Variants in MAP4K5 observed in about 807,000 individuals in gnomAD.
MAP4K5 encodes mitogen-activated protein kinase kinase kinase kinase 5.
Under a neutral mutation model 135.6 loss-of-function variants are expected in MAP4K5, and 82 were observed. The observed-to-expected ratio is 0.60, with a 90% CI of 0.51 to 0.73. The LOEUF (loss-of-function observed/expected upper bound fraction) is 0.73, where lower values mean the gene tolerates loss of function less well. Among genes scored for constraint, MAP4K5 ranks in the 30% least tolerant of loss-of-function variants. The pLI, the probability that MAP4K5 is intolerant of heterozygous loss-of-function variation, is 0.00. For synonymous variants in MAP4K5, 347 were observed against 335.0 expected (o/e 1.04, Z -0.39); for missense variants, 907 against 1,010.9 (o/e 0.90, Z 1.39).
rs374566526 is a variant in MAP4K5 at position 50,560,247 on chromosome 14, C to T, written c.-180+793G>A. 3.1e-6 allele frequency: 5 copies of T among 1,613,684 alleles called. No individual in the cohort carries two copies. The African/African-American group carries it at 5.3e-5, about 17-fold the overall frequency. The stretch of plus-strand genomic sequence containing the variant: ...GAGCGCAGTGACAGCGCCTCACCGC[C>T]ACCAGCTCCTGGACCACCATGGCCA... On this transcript the variant is annotated intron_variant, in intron 1 of 8. Coordinates refer to the MAP4K5 transcript ENST00000555216.
At chr14:50,431,386 A>G (rs936531938) in intron 28 of MAP4K5, among the ~76,000 whole-genome samples, 7 of 152,114 alleles carry the variant, frequency 4.6e-5, no homozygotes, top group East Asian at 1.9e-4. Flanking sequence ...ATATCTCCCA[A>G]TGCTATCCCT....
intron 3 of MAP4K5, among the ~76,000 whole-genome samples, chr14:50,496,368 G>GA (rs1226773282): frequency 2.0e-5 from 3 of 151,956 alleles, no homozygotes; most frequent in Non-Finnish European, 4.4e-5. Context: ...AAATGGTTAA[G>GA]ATGGTAAAGT....
chr14:50,483,049 A>G (rs2037284801), intron 5 of MAP4K5: 1 of 152,230 alleles, frequency 6.6e-6, no homozygotes. Context: ...GCAATCCTGA[A>G]CAATTTTTCA....
chr14:50,508,359 C>G (rs186037678), intron 2 of MAP4K5, among the ~76,000 whole-genome samples: 1 of 152,122 alleles, frequency 6.6e-6, no homozygotes. Context: ...AAATGTGGCA[C>G]TTACACACAA....
Position 50,485,646 on chromosome 14 carries a change from A to G in MAP4K5, c.258-4T>C, listed in dbSNP as rs1366107216. On this transcript the variant is annotated splice_region_variant and splice_polypyrimidine_tract_variant and intron_variant, in intron 4 of 32. Transcript: ENST00000682126. ...ACAAATCCATAGTTTTTCCCGACTA[A>G]TACAAAAAAAAAAGAAAATTATATT... is the stretch of plus-strand genomic sequence containing the variant. 2 of 1,527,386 alleles carry G rather than the reference A, an allele frequency of 1.3e-6. No homozygotes were observed. The highest frequency in any genetic ancestry group is 4.0e-5 in the Admixed American group (2 of 50,402). 94.6% of individuals were successfully genotyped at this position (1,527,386 alleles called of 1,614,324 possible).
chr14:50,556,033 G>A (rs1321167066), intron 1 of MAP4K5, among the ~76,000 whole-genome samples: 1 of 152,140 alleles, frequency 6.6e-6, no homozygotes, highest in Non-Finnish European at 1.5e-5. Flanking sequence ...ATAGTTTGTG[G>A]AGTAACATCC....
At chr14:50,459,699 C>CTT (rs58066955) in intron 13 of MAP4K5, among the ~76,000 whole-genome samples, 29,496 of 143,990 alleles carry the variant, frequency 0.2, 3,677 homozygotes, top group Middle Eastern at 0.31. Context: ...CTTTCTTTCT[C>CTT]TTTTTTTTTT....
At position 50,527,168 on chromosome 14, in the gene MAP4K5, G is replaced by A. The variant is rs564691560; in HGVS notation, c.108+4774C>T. Among the ~76,000 whole-genome samples, 11 of 152,012 alleles carry A rather than the reference G, an allele frequency of 7.2e-5. No individual in the cohort carries two copies. In the South Asian group the frequency reaches 1.9e-3, roughly 26 times the overall value. ...ATCCTAGTCAACCTGGTGAAACCCC[G>A]TCTCTACTAGAAATACAAAAATTAG... On this transcript the variant is annotated intron_variant, in intron 2 of 32. Coordinates refer to ENST00000682126, the MANE Select transcript of MAP4K5 (RefSeq NM_006575.6).
chr14:50,536,164 G>A (rs1275609883), upstream of MAP4K5, among the ~76,000 whole-genome samples: 1 of 152,218 alleles, frequency 6.6e-6, no homozygotes, highest in Admixed American at 6.5e-5. Flanking sequence ...TTAAATTGAG[G>A]TCTGGCGCCA....
At chr14:50,480,998 TG>T (rs2037229079) in intron 6 of MAP4K5, among the ~76,000 whole-genome samples, 1 of 152,056 alleles carries the variant, frequency 6.6e-6, no homozygotes, top group African/African-American at 2.4e-5. Flanking sequence ...GATTGTATTT[TG>T]GGAACTAGAA....
chr14:50,475,798 T>C (rs544334154), intron 8 of MAP4K5, among the ~76,000 whole-genome samples: 84 of 152,352 alleles, frequency 5.5e-4, no homozygotes, highest in Non-Finnish European at 8.7e-4. Context: ...CACCAGATGT[T>C]ACTCTTACAC....
intron 3 of MAP4K5, among the ~76,000 whole-genome samples, chr14:50,490,513 A>G (rs2037461140): frequency 1.3e-5 from 2 of 152,216 alleles, no homozygotes; most frequent in Non-Finnish European, 2.9e-5. Context: ...CCTCCAACAT[A>G]GTGTTTCAAG....
chr14:50,560,443 G>T (rs948411237), intron 1 of MAP4K5: 2 of 1,140,248 alleles, frequency 1.8e-6, no homozygotes, highest in Non-Finnish European at 2.5e-6. Flanking sequence ...GCCGCTCCCT[G>T]TTTGGGCGGA....
chr14:50,445,317 AAAGT>A (rs2036321131), intron 17 of MAP4K5, 123 bp from the exon 18 acceptor site: 1 of 748,474 alleles, frequency 1.3e-6, no homozygotes, highest in Non-Finnish European at 2.0e-6. Flanking sequence ...CTAAGTGAGC[AAAGT>A]AAGAGGTGAG....
intron 2 of MAP4K5, among the ~76,000 whole-genome samples, chr14:50,505,704 C>T (rs555925589): frequency 1.7e-4 from 26 of 152,212 alleles, no homozygotes; most frequent in Non-Finnish European, 3.1e-4. Flanking sequence ...AAACACTGTG[C>T]GAATTTTTAC....
intron 3 of MAP4K5, among the ~76,000 whole-genome samples, chr14:50,503,721 T>C (rs2037753423): frequency 6.6e-6 from 1 of 152,108 alleles, no homozygotes; most frequent in Non-Finnish European, 1.5e-5. Context: ...AACCGTGTTG[T>C]AACAAGCCCA....
At chr14:50,530,006 G>A (rs1364310503) in intron 2 of MAP4K5, among the ~76,000 whole-genome samples, 6 of 152,188 alleles carry the variant, frequency 3.9e-5, no homozygotes. Context: ...GTGATTCCAA[G>A]TAATTAGAAC....
chr14:50,491,343 G>C (rs1381242521), intron 3 of MAP4K5, among the ~76,000 whole-genome samples: 1 of 145,632 alleles, frequency 6.9e-6, no homozygotes, highest in African/African-American at 2.6e-5. Flanking sequence ...TTTTTTTTGA[G>C]ATGGAGTCTC....
intron 13 of MAP4K5, 67 bp downstream of exon 13, chr14:50,462,598 A>G (rs2036735512): frequency 1.8e-6 from 2 of 1,129,632 alleles, no homozygotes; most frequent in South Asian, 1.4e-5. Context: ...AACAAAGAAA[A>G]AAAAGCAAAC....
Sources: gnomAD v4.1 joint callset for allele counts (sites outside exome capture counted in the v4.1 genomes callset) on GRCh38, gnomAD v4.1.1 for gene constraint, MANE v1.5 for transcripts, NCBI Gene and HGNC (gene_info 2026-07-23, HGNC 2026-07-21) for gene names.